TBC1D19: variants seen among roughly 807,000 people sequenced by gnomAD.
The protein encoded by TBC1D19 is TBC1 domain family, member 19.
A neutral mutation model predicts 89.0 loss-of-function variants in TBC1D19; 60 were observed. The observed-to-expected ratio is 0.67, with a 90% CI of 0.55 to 0.84. The LOEUF is 0.84. Ranked by LOEUF, TBC1D19 falls within the 40% of genes least tolerant of loss-of-function variation. The pLI, the probability that TBC1D19 is intolerant of heterozygous loss-of-function variation, is 0.00. For missense variants in TBC1D19, 500 were observed against 610.8 expected (o/e 0.82, Z 1.91); for synonymous variants, 189 against 199.7 (o/e 0.95, Z 0.45).
At position 26,584,146 on chromosome 4, in the gene TBC1D19, C is replaced by T; in HGVS notation, c.-48C>T. The T allele has an allele frequency of 6.3e-7, 1 of 1,581,620 alleles. No individual in the cohort carries two copies. Among genetic ancestry groups the T allele is most frequent in the Non-Finnish European group, 8.6e-7 (1 of 1,162,470 alleles). On this transcript the variant is annotated 5_prime_UTR_variant, in exon 1 of 21. Coordinates refer to ENST00000264866, the MANE Select transcript of TBC1D19 (RefSeq NM_018317.4). ...AGTGGGACCCGGTAGCCCGTTCGCT[C>T]CGCGCCGGCGGCCTGTCCCCGCGGC...
At chr4:26,667,471 T>C (rs1396813344) in intron 9 of TBC1D19, among the ~76,000 whole-genome samples, 1 of 152,096 alleles carries the variant, frequency 6.6e-6, no homozygotes, top group Non-Finnish European at 1.5e-5. Flanking sequence ...TCTGTGATGT[T>C]TGACTTCTTT....
the TBC1D19 span, among the ~76,000 whole-genome samples, chr4:26,809,981 AG>A: frequency 6.6e-6 from 1 of 152,238 alleles, no homozygotes; most frequent in African/African-American, 2.4e-5. Flanking sequence ...GCCAGGGGCC[AG>A]GGCTTCTTCA....
chr4:26,824,931 C>G, the TBC1D19 span, among the ~76,000 whole-genome samples: 2 of 152,172 alleles, frequency 1.3e-5, no homozygotes, highest in Non-Finnish European at 2.9e-5. Flanking sequence ...TAACGATATA[C>G]ATTGCCAAAC....
intron 11 of TBC1D19, among the ~76,000 whole-genome samples, chr4:26,675,792 C>T (rs1712750449): frequency 1.3e-5 from 2 of 152,280 alleles, no homozygotes; most frequent in African/African-American, 2.4e-5. Flanking sequence ...CTACATTTCA[C>T]AAACATAAAG....
At chr4:26,746,659 G>T (rs1443837270) in intron 18 of TBC1D19, among the ~76,000 whole-genome samples, 2 of 152,154 alleles carry the variant, frequency 1.3e-5, no homozygotes, top group Admixed American at 6.6e-5. Flanking sequence ...GTGGGTGCCT[G>T]AAACTGTGGA....
chr4:26,618,339 T>C (rs1741825815), intron 3 of TBC1D19, among the ~76,000 whole-genome samples: 1 of 152,144 alleles, frequency 6.6e-6, no homozygotes, highest in African/African-American at 2.4e-5. Context: ...ATATCCAGGC[T>C]GAGATCAGAA....
At chr4:26,633,253 A>C (rs1414928011) in intron 4 of TBC1D19, among the ~76,000 whole-genome samples, 4 of 152,068 alleles carry the variant, frequency 2.6e-5, no homozygotes, top group Non-Finnish European at 5.9e-5. Flanking sequence ...AATCTTTTCC[A>C]TAGGATGCTG....
intron 1 of TBC1D19, among the ~76,000 whole-genome samples, chr4:26,595,959 A>T (rs192436734): frequency 3.3e-5 from 5 of 152,040 alleles, no homozygotes; most frequent in Admixed American, 1.3e-4. Context: ...ATTTTTAATT[A>T]AAAAAAATTT....
intron 1 of TBC1D19, among the ~76,000 whole-genome samples, chr4:26,578,654 G>A (rs1009720631): frequency 1.3e-5 from 2 of 152,100 alleles, no homozygotes; most frequent in African/African-American, 4.8e-5. Context: ...AGAGAGTAGT[G>A]ATCAGAGAAT....
At chr4:26,701,866 A>G (rs1297562953) in intron 13 of TBC1D19, among the ~76,000 whole-genome samples, 1 of 152,228 alleles carries the variant, frequency 6.6e-6, no homozygotes. Context: ...GACACCAAAC[A>G]TATGAACACA....
chr4:26,590,796 G>GTTTTTTTTTTTTGTTTTTTTTTT (rs1739724314), intron 1 of TBC1D19, among the ~76,000 whole-genome samples: 3 of 52,958 alleles, frequency 5.7e-5, no homozygotes, highest in Non-Finnish European at 9.4e-5. Context: ...TTGCAGGTCT[G>GTTTTTTTTTTTTGTTTTTTTTTT]TTTTTTTTTT....
Position 26,717,968 on chromosome 4 carries a change from G to A in TBC1D19, c.990G>A (p.Leu330=). Reference sequence around the variant, plus strand: ...GTTTTTCCCGGGATACATCTGTGTTGAGTCACTTTGCATTCAACAGTGCCT... The same window carrying A: ...GTTTTTCCCGGGATACATCTGTGTTAAGTCACTTTGCATTCAACAGTGCCT... ...LLCFSRDTSV[L]SHFAFNSASP... is the part of the protein sequence containing the mutation. The change falls in exon 14 of 21, where the codon TTG becomes TTA. Residue 330 remains leucine (L), a synonymous_variant. Transcript: ENST00000264866. 1.2e-6 allele frequency: 2 copies of A among 1,611,746 alleles called. No individual in the cohort carries two copies. The highest frequency in any genetic ancestry group is 1.7e-6 in the Non-Finnish European group (2 of 1,178,856).
intron 13 of TBC1D19, among the ~76,000 whole-genome samples, chr4:26,704,513 A>G (rs1715581837): frequency 6.6e-6 from 1 of 152,170 alleles, no homozygotes; most frequent in African/African-American, 2.4e-5. Flanking sequence ...ACGCTATTGA[A>G]TGGAGTTAAA....
At chr4:26,578,003 C>G (rs1181005646) in intron 1 of TBC1D19, among the ~76,000 whole-genome samples, 1 of 152,134 alleles carries the variant, frequency 6.6e-6, no homozygotes, top group African/African-American at 2.4e-5. Flanking sequence ...TCTCTCTTCT[C>G]CTTTGTGTCA....
At chr4:26,763,485 T>C in the TBC1D19 span, among the ~76,000 whole-genome samples, 1 of 152,208 alleles carries the variant, frequency 6.6e-6, no homozygotes, top group South Asian at 2.1e-4. Context: ...CTAGGAAATG[T>C]TTAAATTTAC....
At chr4:26,781,872 T>A in the TBC1D19 span, among the ~76,000 whole-genome samples, 1 of 152,196 alleles carries the variant, frequency 6.6e-6, no homozygotes. Flanking sequence ...TTGAGCATTT[T>A]AATTATTTTC....
chr4:26,624,438 A>G (rs559023897), intron 4 of TBC1D19, among the ~76,000 whole-genome samples: 65 of 151,974 alleles, frequency 4.3e-4, no homozygotes, highest in African/African-American at 1.5e-3. Flanking sequence ...GTGCAGTGGT[A>G]TGATCTCAGC....
chr4:26,708,413 T>C (rs2109234166), intron 13 of TBC1D19, among the ~76,000 whole-genome samples: 1 of 152,234 alleles, frequency 6.6e-6, no homozygotes, highest in Admixed American at 6.5e-5. Context: ...GCCTTTGACC[T>C]TCAACAGTTT....
chr4:26,605,104 C>A (rs1740900000), intron 1 of TBC1D19, among the ~76,000 whole-genome samples: 2 of 151,286 alleles, frequency 1.3e-5, no homozygotes, highest in African/African-American at 2.4e-5. Flanking sequence ...GCACAATGTG[C>A]AGGTTAGTTA....
Sources: allele counts gnomAD v4.1 joint callset (sites outside exome capture counted in the v4.1 genomes callset), GRCh38; gene constraint gnomAD v4.1.1; transcripts MANE v1.5; gene names NCBI Gene and HGNC (gene_info 2026-07-23, HGNC 2026-07-21).